Variants in HECW1 observed in about 807,000 individuals in gnomAD.
HECW1 encodes E3 ubiquitin-protein ligase HECW1.
HECW1 carries 61 observed loss-of-function variants against 182.3 expected under a neutral mutation model. The observed-to-expected ratio is 0.33, with a 90% confidence interval of 0.27 to 0.41. The LOEUF (loss-of-function observed/expected upper bound fraction) is 0.41, where lower values mean the gene tolerates loss of function less well. HECW1 is among the 10% of genes least tolerant of loss of function. The pLI, the probability that HECW1 is intolerant of heterozygous loss-of-function variation, is 1.00. For missense variants in HECW1, 1,739 were observed against 2,108.9 expected (o/e 0.82, Z 3.44); for synonymous variants, 859 against 832.6 (o/e 1.03, Z -0.55).
At chr7:43,278,678 G>A (rs980130796) in intron 3 of HECW1, among the ~76,000 whole-genome samples, 1 of 151,902 alleles carries the variant, frequency 6.6e-6, no homozygotes, top group Non-Finnish European at 1.5e-5. Context: ...CTCCCCAGGT[G>A]CACCTGCTTA....
At chr7:43,450,950 T>G (rs1416297664) in intron 12 of HECW1, 21 bp downstream of exon 12, 1 of 1,503,918 alleles carries the variant, frequency 6.6e-7, no homozygotes, top group African/African-American at 1.4e-5. Context: ...GTTTTTAAAA[T>G]CTGTGTCTTA....
At chr7:43,507,474 A>T (rs1173187239) in intron 22 of HECW1, among the ~76,000 whole-genome samples, 1 of 152,158 alleles carries the variant, frequency 6.6e-6, no homozygotes, top group Non-Finnish European at 1.5e-5. Flanking sequence ...AAGAGAGGGA[A>T]AGAGAATGAG....
chr7:43,272,894 CA>C (rs1296977004), intron 3 of HECW1, among the ~76,000 whole-genome samples: 3 of 152,088 alleles, frequency 2.0e-5, no homozygotes, highest in Non-Finnish European at 2.9e-5. Flanking sequence ...GCACTATTCA[CA>C]ATAGCAAAGA....
intron 2 of HECW1, among the ~76,000 whole-genome samples, chr7:43,230,928 T>C (rs1797827789): frequency 6.6e-6 from 1 of 152,186 alleles, no homozygotes; most frequent in Admixed American, 6.5e-5. Flanking sequence ...TGGTTGCAGC[T>C]CTTCCAAGCA....
At chr7:43,371,983 C>G (rs1033408779) in intron 6 of HECW1, among the ~76,000 whole-genome samples, 7 of 152,104 alleles carry the variant, frequency 4.6e-5, no homozygotes, top group Non-Finnish European at 8.8e-5. Context: ...CCACGCCCCG[C>G]TAATTTTTTT....
At chr7:43,415,534 T>C (rs1361539160) in intron 8 of HECW1, among the ~76,000 whole-genome samples, 1 of 152,164 alleles carries the variant, frequency 6.6e-6, no homozygotes, top group Non-Finnish European at 1.5e-5. Flanking sequence ...GAAGAGTATC[T>C]TTGTGGCGTT....
intron 2 of HECW1, among the ~76,000 whole-genome samples, chr7:43,133,337 T>A (rs1333608673): frequency 6.6e-6 from 1 of 152,018 alleles, no homozygotes; most frequent in Non-Finnish European, 1.5e-5. Context: ...GTAAACTTTT[T>A]AAATTCTCCT....
chr7:43,522,042 A>C (rs1036703751), intron 24 of HECW1, among the ~76,000 whole-genome samples: 8 of 152,318 alleles, frequency 5.3e-5, no homozygotes, highest in Admixed American at 5.2e-4. Context: ...CAAGGTGTCC[A>C]TCTTAGAAGC....
intron 2 of HECW1, among the ~76,000 whole-genome samples, chr7:43,128,135 C>T (rs769438307): frequency 6.6e-6 from 1 of 152,310 alleles, no homozygotes; most frequent in Middle Eastern, 3.4e-3. Flanking sequence ...CCACCTCAGC[C>T]TCCCAAATTA....
At chr7:43,144,472 T>C (rs765145511) in intron 2 of HECW1, among the ~76,000 whole-genome samples, 17 of 152,176 alleles carry the variant, frequency 1.1e-4, no homozygotes, top group Non-Finnish European at 5.9e-5. Context: ...ACCTATGGAA[T>C]TTTTCCCCAA....
chr7:43,478,946 T>C (rs144034136), intron 16 of HECW1, among the ~76,000 whole-genome samples: 88 of 152,328 alleles, frequency 5.8e-4, no homozygotes, highest in African/African-American at 1.9e-3. Flanking sequence ...CTATGACTGA[T>C]ACTGCTTCAT....
At chr7:43,368,474 A>G (rs892177042) in intron 6 of HECW1, among the ~76,000 whole-genome samples, 2 of 152,358 alleles carry the variant, frequency 1.3e-5, no homozygotes, top group Admixed American at 1.3e-4. Flanking sequence ...AGGTTTGATC[A>G]GCAGTGGGGA....
intron 5 of HECW1, among the ~76,000 whole-genome samples, chr7:43,348,297 G>T (rs946476374): frequency 6.6e-6 from 1 of 152,054 alleles, no homozygotes; most frequent in Non-Finnish European, 1.5e-5. Context: ...TAGTTTATGT[G>T]CATAAAGGTG....
At chr7:43,448,434 T>A (rs1162877803) in intron 11 of HECW1, among the ~76,000 whole-genome samples, 2 of 152,144 alleles carry the variant, frequency 1.3e-5, no homozygotes, top group Non-Finnish European at 2.9e-5. Flanking sequence ...CCTCCTGGAT[T>A]TATATTCACT....
intron 8 of HECW1, among the ~76,000 whole-genome samples, chr7:43,418,288 T>C (rs780542191): frequency 9.2e-5 from 14 of 152,278 alleles, no homozygotes; most frequent in Admixed American, 2.6e-4. Context: ...GACTTCAGCA[T>C]ACCTGTTGAG....
chr7:43,407,852 C>A, intron 8 of HECW1, 121 bp downstream of exon 8: 1 of 892,702 alleles, frequency 1.1e-6, no homozygotes, highest in Non-Finnish European at 1.7e-6. Context: ...CTATGGCTGT[C>A]ATGGTCTTAG....
In HECW1 at chr7:43,142,737, T is replaced by G. The variant is rs868501439; in HGVS notation, c.-32+28346T>G. On this transcript the variant is annotated intron_variant, in intron 2 of 29. Transcript: ENST00000395891. ...GGATCTAGCATGTATACACATTGGTTCTTTTAGCACTCCAGTTTCAGCATC... is the reference window on the plus strand; with the variant it reads ...GGATCTAGCATGTATACACATTGGTGCTTTTAGCACTCCAGTTTCAGCATC... Among the ~76,000 whole-genome samples, 29 of 152,370 alleles carry G rather than the reference T, an allele frequency of 1.9e-4. No individual in the cohort carries two copies. In the Middle Eastern group the frequency reaches 0.017, roughly 89 times the overall value.
At chr7:43,427,223 TATA>T (rs2076390723) in intron 8 of HECW1, among the ~76,000 whole-genome samples, 1 of 152,208 alleles carries the variant, frequency 6.6e-6, no homozygotes, top group South Asian at 2.1e-4. Flanking sequence ...CTATGATCAA[TATA>T]ATGTCAGTCA....
Position 43,243,950 on chromosome 7 carries a change from AT to A in HECW1, c.27+20del. 1 of 1,589,376 alleles carries A rather than the reference AT, an allele frequency of 6.3e-7. No homozygotes were observed. The highest frequency in any genetic ancestry group is 8.6e-7 in the Non-Finnish European group (1 of 1,157,636). ...GTGTGAAGGTCAGTGTGCTTTTCTG[AT>A]TATAAGAAACCATCCATGTCATTCC... On this transcript the variant is annotated intron_variant, in intron 3 of 29. Coordinates refer to ENST00000395891, the MANE Select transcript of HECW1 (RefSeq NM_015052.5). This position sits in a 1 kb window ranked among gnomAD's most constrained non-coding sequence, Gnocchi z 4.0.
Sources: allele counts gnomAD v4.1 joint callset (sites outside exome capture counted in the v4.1 genomes callset), GRCh38; gene constraint gnomAD v4.1.1; non-coding constraint Gnocchi (gnomAD v3.1); transcripts MANE v1.5; gene names NCBI Gene and HGNC (gene_info 2026-07-23, HGNC 2026-07-21).